The following LRPPRC variants were observed in gnomAD, a reference collection of about 807,000 sequenced individuals.
The protein encoded by LRPPRC is leucine-rich PPR motif-containing protein, mitochondrial.
Under a neutral mutation model 180.3 loss-of-function variants are expected in LRPPRC, and 120 were observed. That is an observed-to-expected ratio of 0.67 (90% CI 0.57 to 0.77). LRPPRC has a LOEUF of 0.77. Ranked by LOEUF, LRPPRC falls within the 30% of genes least tolerant of loss-of-function variation. The pLI, the probability that LRPPRC is intolerant of heterozygous loss-of-function variation, is 0.00. For missense variants in LRPPRC, 2,012 were observed against 1,657.2 expected (o/e 1.21, Z -3.72); for synonymous variants, 723 against 600.0 (o/e 1.21, Z -3.00).
chr2:43,921,716 T>C (rs1196849069), intron 27 of LRPPRC, among the ~76,000 whole-genome samples: 1 of 152,196 alleles, frequency 6.6e-6, no homozygotes, highest in East Asian at 1.9e-4. Context: ...TAGTATTACA[T>C]TGTTTGAATC....
Position 43,971,501 on chromosome 2 carries a change from A to G in LRPPRC, c.1369+2106T>C, listed in dbSNP as rs993545540. Among the ~76,000 whole-genome samples the G allele has an allele frequency of 8.3e-4, 123 of 147,920 alleles. 6 individuals carry two copies. Among genetic ancestry groups the G allele is most frequent in the Admixed American group, 7.0e-3 (105 of 14,928 alleles). ...GTGTCACAGTAAAAAAAAAAAAAAA[A>G]AAAGAAAAAAATATATATATATGTT... On this transcript the variant is annotated intron_variant, in intron 11 of 37. Coordinates refer to ENST00000260665, the MANE Select transcript of LRPPRC (RefSeq NM_133259.4).
Position 43,899,226 on chromosome 2 carries a change from A to T in LRPPRC, c.3818T>A (p.Leu1273His). The change falls in exon 34 of 38, where the codon CTC becomes CAC. Residue 1273 changes from leucine (L) to histidine (H), a missense_variant. Leu to His is a moderately conservative substitution (Grantham distance 99). Coordinates refer to ENST00000260665, the MANE Select transcript of LRPPRC (RefSeq NM_133259.4). ...DAGKVDDARALLQRCGAIAEQ... is the reference protein window; with the variant it reads ...DAGKVDDARAHLQRCGAIAEQ... ...TGAGTGGAGGGTCATTACCTGTAGGAGAGCTCTGGCATCATCCACCTTGCC... is the reference window on the plus strand; with the variant it reads ...TGAGTGGAGGGTCATTACCTGTAGGTGAGCTCTGGCATCATCCACCTTGCC... 2 of 1,612,464 alleles carry T rather than the reference A, an allele frequency of 1.2e-6. No homozygotes were observed. The highest frequency in any genetic ancestry group is 1.1e-5 in the South Asian group (1 of 91,032).
At chr2:43,948,382 G>C in intron 17 of LRPPRC, 30 bp downstream of exon 17, 2 of 1,298,368 alleles carry the variant, frequency 1.5e-6, no homozygotes, top group Non-Finnish European at 2.2e-6. Context: ...AGGCAGGACA[G>C]GCATTATATA....
At chr2:43,994,158 G>C (rs1405619205) in intron 1 of LRPPRC, among the ~76,000 whole-genome samples, 1 of 152,184 alleles carries the variant, frequency 6.6e-6, no homozygotes, top group East Asian at 1.9e-4. Context: ...TTTCTCAAAA[G>C]AAACTCTGAA....
intron 18 of LRPPRC, 118 bp from the exon 19 acceptor site, chr2:43,947,893 A>G: frequency 1.4e-6 from 1 of 732,878 alleles, no homozygotes; most frequent in South Asian, 1.5e-5. Flanking sequence ...TCTTTCCAAA[A>G]TTTTAGACAT....
chr2:43,947,339 G>C lies in LRPPRC; in HGVS notation c.1997C>G (p.Ser666Cys). The C allele has an allele frequency of 6.2e-7, 1 of 1,601,040 alleles. No homozygotes were observed. Residue 666 changes from serine to cysteine, a missense_variant, in exon 20 of 38, where the codon TCC (serine) becomes TGC (cysteine). Ser to Cys is a moderately radical substitution (Grantham distance 112). Coordinates refer to ENST00000260665, the MANE Select transcript of LRPPRC (RefSeq NM_133259.4). ...TVQLTSSELE[S>C]TLETLKAENQ... ...TTCAGCTTTTAGTGTTTCAAGTGTGGACTCCAATTCAGATGATGTAAGTTG... is the reference window on the plus strand; with the variant it reads ...TTCAGCTTTTAGTGTTTCAAGTGTGCACTCCAATTCAGATGATGTAAGTTG...
chr2:43,957,272 T>C lies in LRPPRC; in HGVS notation c.1649+113A>G. On this transcript the variant is annotated intron_variant, in intron 14 of 37. Coordinates refer to ENST00000260665, the MANE Select transcript of LRPPRC (RefSeq NM_133259.4). ...CAAGCAAAGGTTATTTCAGGTAAACTGAATGTACACTGAAAGATAAGAATA... is the reference window on the plus strand; with the variant it reads ...CAAGCAAAGGTTATTTCAGGTAAACCGAATGTACACTGAAAGATAAGAATA... 9 of 805,056 alleles carry C rather than the reference T, an allele frequency of 1.1e-5. No individual in the cohort carries two copies. The South Asian group carries it at 1.3e-4, about 12-fold the overall frequency. The allele number at this position is 805,056 out of a possible 1,614,324, so 49.9% of individuals were successfully genotyped here.
At chr2:43,989,748 T>C (rs1435473565) in intron 1 of LRPPRC, among the ~76,000 whole-genome samples, 3 of 152,200 alleles carry the variant, frequency 2.0e-5, no homozygotes, top group Non-Finnish European at 4.4e-5. Flanking sequence ...ACTTGTAACA[T>C]ATGTTGCAAC....
chr2:43,950,967 G>A (rs549684759), intron 14 of LRPPRC, among the ~76,000 whole-genome samples: 1 of 152,328 alleles, frequency 6.6e-6, no homozygotes, highest in Admixed American at 6.5e-5. Context: ...CTACTCGGGA[G>A]GCTGAGGCAG....
intron 11 of LRPPRC, among the ~76,000 whole-genome samples, chr2:43,972,545 T>C (rs1673865570): frequency 6.6e-6 from 1 of 152,200 alleles, no homozygotes; most frequent in African/African-American, 2.4e-5. Context: ...CTTTCTGTGG[T>C]TCCAAAACAC....
intron 27 of LRPPRC, among the ~76,000 whole-genome samples, chr2:43,921,128 C>A (rs1671684575): frequency 6.6e-6 from 1 of 152,178 alleles, no homozygotes; most frequent in East Asian, 1.9e-4. Flanking sequence ...CCCATCTCTA[C>A]TAAAAATACA....
intron 25 of LRPPRC, among the ~76,000 whole-genome samples, chr2:43,930,777 T>A (rs1419312546): frequency 6.6e-6 from 1 of 152,212 alleles, no homozygotes. Flanking sequence ...ACCTCCTTTA[T>A]GGTTCCTGGT....
chr2:43,941,741 A>G (rs1388198758), intron 23 of LRPPRC, among the ~76,000 whole-genome samples: 1 of 150,774 alleles, frequency 6.6e-6, no homozygotes, highest in Non-Finnish European at 1.5e-5. Context: ...TTATCTTTTT[A>G]TTAGTCTCAT....
At chr2:43,889,611 A>C in intron 37 of LRPPRC, 123 bp downstream of exon 37, 1 of 850,142 alleles carries the variant, frequency 1.2e-6, no homozygotes, top group Non-Finnish European at 2.0e-6. Context: ...CCATCCCCTG[A>C]GGGCTCTTCA....
chr2:43,976,847 A>G, intron 5 of LRPPRC, 147 bp downstream of exon 5: 1 of 661,616 alleles, frequency 1.5e-6, no homozygotes, highest in Non-Finnish European at 2.7e-6. Flanking sequence ...TATTTTATGT[A>G]AGTCAGATTA....
intron 29 of LRPPRC, among the ~76,000 whole-genome samples, chr2:43,915,226 T>A (rs868526857): frequency 1.5e-4 from 13 of 84,112 alleles, no homozygotes; most frequent in African/African-American, 7.5e-4. Context: ...TCTCTCTCTC[T>A]CTCTCTCACA....
rs1391434905 is a variant in LRPPRC at position 43,948,152 on chromosome 2, CAGG to C, written c.1887_1889del (p.Leu630del). 7.5e-6 allele frequency: 12 copies of C among 1,606,504 alleles called. No individual in the cohort carries two copies. The highest frequency in any genetic ancestry group is 1.0e-5 in the Non-Finnish European group (12 of 1,173,440). ...TCAATTCAGGAACATGGTAGCTTTC[CAGG>C]AGATTACGAATGCCTCTGTAGATAT... On this transcript the variant is annotated inframe_deletion, in exon 18 of 38. Coordinates refer to ENST00000260665, the MANE Select transcript of LRPPRC (RefSeq NM_133259.4).
At chr2:43,996,018 G>C, upstream of LRPPRC, 4 of 1,481,668 alleles carry the variant, frequency 2.7e-6, no homozygotes, top group South Asian at 3.7e-5. Flanking sequence ...CCGCAGGGTA[G>C]CCTGGCGCGG....
At position 43,934,229 on chromosome 2, in the gene LRPPRC, T is replaced by C. The variant is rs1558965825; in HGVS notation, c.2697A>G (p.Leu899=). 1.9e-6 allele frequency: 3 copies of C among 1,611,958 alleles called. No homozygotes were observed. In the African/African-American group the frequency reaches 4.0e-5, roughly 22 times the overall value. Reference sequence around the variant, plus strand: ...TGGCCTCTTTGTAATTTCCTGTTTGTAGGAAGGCAAAGAAGAGATCATAGA... The same window carrying C: ...TGGCCTCTTTGTAATTTCCTGTTTGCAGGAAGGCAAAGAAGAGATCATAGA... The part of the protein sequence containing the change: ...VMLYDLFFAF[L]QTGNYKEAKK... The change falls in exon 25 of 38, where the codon CTA becomes CTG. Residue 899 remains leucine (L), a synonymous_variant. Transcript: ENST00000260665.
Sources: gnomAD v4.1 joint callset for allele counts (sites outside exome capture counted in the v4.1 genomes callset) on GRCh38, gnomAD v4.1.1 for gene constraint, MANE v1.5 for transcripts, NCBI Gene and HGNC (gene_info 2026-07-23, HGNC 2026-07-21) for gene names.